Variants in ERG observed in about 807,000 individuals in gnomAD.
ERG encodes ETS transcription factor ERG, also known as transcriptional regulator ERG.
A neutral mutation model predicts 55.3 loss-of-function variants in ERG; 9 were observed. That is an observed-to-expected ratio of 0.16 (90% confidence interval 0.10 to 0.28). ERG has a LOEUF of 0.28. Among genes scored for constraint, ERG ranks in the 10% least tolerant of loss-of-function variants. ERG has a pLI of 1.00. For missense variants in ERG, 434 were observed against 631.6 expected, an observed-to-expected ratio of 0.69 and a Z score of 3.35; for synonymous variants, 223 against 237.3, an observed-to-expected ratio of 0.94 and a Z score of 0.55.
intron 1 of ERG, among the ~76,000 whole-genome samples, chr21:38,646,225 G>A (rs1488872459): frequency 6.7e-6 from 1 of 148,878 alleles, no homozygotes; most frequent in African/African-American, 2.5e-5. Flanking sequence ...AGGCTGCAGT[G>A]AGCAAAGATG....
chr21:38,473,794 ATG>A (rs35189269), intron 1 of ERG, among the ~76,000 whole-genome samples: 70,727 of 151,556 alleles, frequency 0.47, 18,943 homozygotes, highest in Non-Finnish European at 0.6. Context: ...AAATATATAT[ATG>A]TGTGTGTGTG....
intron 4 of ERG, 104 bp downstream of exon 4, chr21:38,403,402 G>T: frequency 1.8e-6 from 2 of 1,124,696 alleles, no homozygotes; most frequent in South Asian, 1.3e-5. Context: ...GGAACTGGGC[G>T]AGGGCAGGAG....
intron 1 of ERG, among the ~76,000 whole-genome samples, chr21:38,450,580 A>G (rs1220876858): frequency 6.6e-6 from 1 of 152,086 alleles, no homozygotes; most frequent in Non-Finnish European, 1.5e-5. Flanking sequence ...AACCACGCAG[A>G]ATTTGGTACA....
intron 2 of ERG, among the ~76,000 whole-genome samples, chr21:38,436,328 G>A (rs773859168): frequency 3.9e-5 from 6 of 152,134 alleles, no homozygotes; most frequent in Admixed American, 2.0e-4. Flanking sequence ...GACCTGATGT[G>A]ATAAAGTAAG....
At chr21:38,538,968 T>C (rs1568894677) in intron 2 of ERG, among the ~76,000 whole-genome samples, 1 of 152,132 alleles carries the variant, frequency 6.6e-6, no homozygotes, top group Non-Finnish European at 1.5e-5. Context: ...AGAGCAGCAG[T>C]TAAGCCATTC....
At chr21:38,390,127 C>G (rs1987903455) in intron 9 of ERG, among the ~76,000 whole-genome samples, 1 of 152,180 alleles carries the variant, frequency 6.6e-6, no homozygotes, top group South Asian at 2.1e-4. Flanking sequence ...AAGCTGGTGC[C>G]AGCACAGCTG....
intron 1 of ERG, among the ~76,000 whole-genome samples, chr21:38,455,042 T>C (rs1206225614): frequency 6.6e-6 from 1 of 152,096 alleles, no homozygotes; most frequent in Non-Finnish European, 1.5e-5. Flanking sequence ...ATTCTCTACA[T>C]AACAAGATAA....
At chr21:38,569,955 T>C (rs1237096406) in intron 2 of ERG, among the ~76,000 whole-genome samples, 4 of 152,182 alleles carry the variant, frequency 2.6e-5, no homozygotes, top group Admixed American at 2.0e-4. Flanking sequence ...TAGTACTCCA[T>C]TGGTGGAGTA....
intron 1 of ERG, among the ~76,000 whole-genome samples, chr21:38,631,535 C>A (rs1209722683): frequency 2.0e-5 from 3 of 152,116 alleles, no homozygotes; most frequent in Admixed American, 2.0e-4. Context: ...TTTTTATAGC[C>A]TTCCCGTCCT....
chr21:38,567,578 TG>T (rs2059930780), intron 2 of ERG, among the ~76,000 whole-genome samples: 1 of 152,302 alleles, frequency 6.6e-6, no homozygotes, highest in African/African-American at 2.4e-5. Flanking sequence ...AGACAGACTT[TG>T]GGGGCGGGGG....
intron 2 of ERG, among the ~76,000 whole-genome samples, chr21:38,437,961 AGAAAGT>A (rs771126715): frequency 1.5e-3 from 233 of 152,340 alleles, no homozygotes; most frequent in Non-Finnish European, 2.6e-3. Flanking sequence ...TGAACTCACC[AGAAAGT>A]GAAAGTCAAA....
At chr21:38,452,031 C>G (rs747810677) in intron 1 of ERG, among the ~76,000 whole-genome samples, 73 of 152,144 alleles carry the variant, frequency 4.8e-4, no homozygotes, top group Admixed American at 3.4e-3. Context: ...TCACGTTTTT[C>G]TAATTTAACA....
the ERG span, among the ~76,000 whole-genome samples, chr21:38,369,012 A>C: frequency 0.18 from 27,385 of 152,216 alleles, 2,651 homozygotes; most frequent in South Asian, 0.27. Context: ...TATCCAGTCT[A>C]TCATTGATGG....
chr21:38,524,806 T>C (rs2059618926), intron 2 of ERG, among the ~76,000 whole-genome samples: 1 of 152,202 alleles, frequency 6.6e-6, no homozygotes, highest in Non-Finnish European at 1.5e-5. Context: ...TGTCCTTTAT[T>C]CTGGAAATGT....
At chr21:38,467,952 A>G (rs2059105111) in intron 1 of ERG, among the ~76,000 whole-genome samples, 1 of 152,180 alleles carries the variant, frequency 6.6e-6, no homozygotes, top group African/African-American at 2.4e-5. Flanking sequence ...GTAGCCTGTT[A>G]CCCATTCTGG....
chr21:38,496,327 C>T (rs2059379144), intron 1 of ERG, among the ~76,000 whole-genome samples: 1 of 152,146 alleles, frequency 6.6e-6, no homozygotes, highest in African/African-American at 2.4e-5. Flanking sequence ...CTGGAAATTG[C>T]CTCTATGGGG....
chr21:38,508,754 A>C (rs1282425726), intron 2 of ERG, among the ~76,000 whole-genome samples: 1 of 152,202 alleles, frequency 6.6e-6, no homozygotes. Context: ...ACCTTCTATA[A>C]AGTGACATTG....
At chr21:38,514,647 T>C (rs1306959921) in intron 2 of ERG, among the ~76,000 whole-genome samples, 1 of 151,974 alleles carries the variant, frequency 6.6e-6, no homozygotes, top group Non-Finnish European at 1.5e-5. Flanking sequence ...CACATTTTCA[T>C]GTCAAAACTT....
At chr21:38,410,115 G>A (rs915313603) in intron 3 of ERG, among the ~76,000 whole-genome samples, 1 of 152,120 alleles carries the variant, frequency 6.6e-6, no homozygotes, top group Non-Finnish European at 1.5e-5. Flanking sequence ...ATAACATACT[G>A]CAAAAAAAGA....
Sources: allele counts gnomAD v4.1 joint callset (sites outside exome capture counted in the v4.1 genomes callset), GRCh38; gene constraint gnomAD v4.1.1; transcripts MANE v1.5; gene names NCBI Gene and HGNC (gene_info 2026-07-23, HGNC 2026-07-21).